The following EPS8 variants were observed in gnomAD, a reference collection of about 807,000 sequenced individuals.
The protein encoded by EPS8 is epidermal growth factor receptor kinase substrate 8.
A neutral mutation model predicts 103.8 loss-of-function variants in EPS8; 42 were observed. The ratio of observed to expected loss-of-function variants is 0.40; its 90% CI spans 0.32 to 0.52. The LOEUF is 0.52. Ranked by LOEUF, EPS8 falls within the 20% of genes least tolerant of loss-of-function variation. The probability of loss-of-function intolerance (pLI) is 0.40; values close to 1 mark genes in which losing one functional copy is unlikely to be tolerated. For synonymous variants in EPS8, 344 were observed against 344.6 expected (o/e 1.00, Z 0.02); for missense variants, 969 against 1,005.1 (o/e 0.96, Z 0.49).
At chr12:15,673,049 CTT>C (rs920563674) in intron 3 of EPS8, among the ~76,000 whole-genome samples, 11 of 152,312 alleles carry the variant, frequency 7.2e-5, no homozygotes, top group African/African-American at 2.6e-4. Context: ...TCCCTGACCT[CTT>C]GATTTCCTAA....
Position 15,702,941 on chromosome 12 carries a change from G to A in EPS8, c.-21-19969C>T, listed in dbSNP as rs902342964. 6.6e-6 allele frequency among the ~76,000 whole-genome samples: 1 copy of A among 152,138 alleles called. No homozygotes were observed. Among genetic ancestry groups the A allele is most frequent in the Non-Finnish European group, 1.5e-5 (1 of 68,030 alleles). On this transcript the variant is annotated intron_variant, in intron 1 of 20. Coordinates refer to ENST00000281172, the MANE Select transcript of EPS8 (RefSeq NM_004447.6). The surrounding 1 kb of genome is among the most constrained non-coding windows in gnomAD (Gnocchi z 5.1). ...CGAGGTGGGTGGATCACAAGGTCAG[G>A]AGATTGAGACCATCCTGGCCAACAT...
At position 15,623,179 on chromosome 12, in the gene EPS8, A is replaced by C. The variant is rs1339419675; in HGVS notation, c.2334T>G (p.Thr778=). The change falls in exon 20 of 21, where the codon ACT becomes ACG. Residue 778 remains threonine (T), a synonymous_variant. Coordinates refer to ENST00000281172, the MANE Select transcript of EPS8 (RefSeq NM_004447.6). The stretch of plus-strand genomic sequence containing the variant: ...ATACCTCCAATGCAGCTTTTTGTAC[A>C]GTGATTTGGCTATAGACTCTCGCCC... ...PEGARVYSQI[T]VQKAALEDSS... is the part of the protein sequence containing the mutation. The C allele has an allele frequency of 8.7e-6, 14 of 1,608,538 alleles. No individual in the cohort carries two copies. The highest frequency in any genetic ancestry group is 1.7e-4 in the Middle Eastern group (1 of 6,024).
chr12:15,742,408 A>C (rs971709384), intron 1 of EPS8, among the ~76,000 whole-genome samples: 1 of 152,184 alleles, frequency 6.6e-6, no homozygotes, highest in Non-Finnish European at 1.5e-5. Flanking sequence ...TTGCCATTCT[A>C]ACTGCTGTGA....
In EPS8 at chr12:15,754,667, C is replaced by T. The variant is rs186752331; in HGVS notation, c.-22+34494G>A. ...TATTTTTCCTTCTTTGAACACCCAA[C>T]TTCATGTGTTCCAAGTAAATAGTCC... On this transcript the variant is annotated intron_variant, in intron 1 of 20. Coordinates refer to ENST00000281172, the MANE Select transcript of EPS8 (RefSeq NM_004447.6). 3.3e-5 allele frequency among the ~76,000 whole-genome samples: 5 copies of T among 152,328 alleles called. No homozygotes were observed. In the East Asian group the frequency reaches 9.6e-4, roughly 29 times the overall value.
chr12:15,671,233 A>G (rs1372361358), intron 3 of EPS8, among the ~76,000 whole-genome samples: 1 of 152,138 alleles, frequency 6.6e-6, no homozygotes, highest in Admixed American at 6.6e-5. Flanking sequence ...TCAGTCAGGG[A>G]CCTACTGTTT....
intron 8 of EPS8, chr12:15,665,146 A>G (rs780840450): frequency 3.9e-5 from 6 of 152,194 alleles, no homozygotes; most frequent in African/African-American, 1.4e-4. Flanking sequence ...GTTAAGTGCA[A>G]TCTTTAAGAA....
At chr12:15,720,614 G>C (rs554334529) in intron 1 of EPS8, among the ~76,000 whole-genome samples, 1 of 152,170 alleles carries the variant, frequency 6.6e-6, no homozygotes, top group Non-Finnish European at 1.5e-5. Context: ...AAATCTGGTC[G>C]TGTTATTTAC....
chr12:15,674,846 T>C (rs1211832399), intron 3 of EPS8, among the ~76,000 whole-genome samples: 1 of 14,248 alleles, frequency 7.0e-5, no homozygotes, highest in Admixed American at 1.3e-3. Context: ...AAAAAATTTG[T>C]TCTGTTAAAA....
Position 15,690,609 on chromosome 12 carries a change from T to A in EPS8, c.-21-7637A>T, listed in dbSNP as rs542498844. On this transcript the variant is annotated intron_variant, in intron 1 of 20. Transcript: ENST00000281172. The surrounding 1 kb of genome is among the most constrained non-coding windows in gnomAD (Gnocchi z 4.7). ...CTGCTCTATTTTAGTAATACATGGT[T>A]TTACAGATCCAATGGCCAGCAGAAT... Among the ~76,000 whole-genome samples the A allele has an allele frequency of 2.8e-4, 42 of 152,304 alleles. No homozygotes were observed. The highest frequency in any genetic ancestry group is 1.8e-3 in the Admixed American group (28 of 15,298).
chr12:15,678,632 T>G (rs1945950281), intron 3 of EPS8, among the ~76,000 whole-genome samples: 1 of 152,038 alleles, frequency 6.6e-6, no homozygotes, highest in African/African-American at 2.4e-5. Context: ...AAAATAAAAA[T>G]TAACTGCTTA....
chr12:15,774,103 T>C (rs1947182565), intron 1 of EPS8, among the ~76,000 whole-genome samples: 1 of 152,004 alleles, frequency 6.6e-6, no homozygotes, highest in African/African-American at 2.4e-5. Context: ...AATACTACCT[T>C]TGAAAAAAAT....
chr12:15,661,034 C>G (rs777503288), intron 9 of EPS8, among the ~76,000 whole-genome samples: 1 of 152,128 alleles, frequency 6.6e-6, no homozygotes, highest in South Asian at 2.1e-4. Flanking sequence ...TTCTCCCACA[C>G]AGTTAGGAGG....
In EPS8 at chr12:15,781,283, G is replaced by C. The variant is rs1256071383; in HGVS notation, c.-22+7878C>G. 6.6e-6 allele frequency among the ~76,000 whole-genome samples: 1 copy of C among 152,122 alleles called. No homozygotes were observed. Among genetic ancestry groups the C allele is most frequent in the African/African-American group, 2.4e-5 (1 of 41,426 alleles). On this transcript the variant is annotated intron_variant, in intron 1 of 20. Coordinates refer to ENST00000281172, the MANE Select transcript of EPS8 (RefSeq NM_004447.6). The surrounding 1 kb of genome is among the most constrained non-coding windows in gnomAD (Gnocchi z 4.1). ...CTTGTTTGGCACAGTAGTAATTTGA[G>C]CAAGTATATAGCACAGTATTAAATA... is the stretch of plus-strand genomic sequence containing the variant.
rs1223295676 is a variant in EPS8 at position 15,776,841 on chromosome 12, T to C, written c.-22+12320A>G. 6.6e-6 allele frequency among the ~76,000 whole-genome samples: 1 copy of C among 152,214 alleles called. No individual in the cohort carries two copies. Among genetic ancestry groups the C allele is most frequent in the Non-Finnish European group, 1.5e-5 (1 of 68,034 alleles). On this transcript the variant is annotated intron_variant, in intron 1 of 20. Coordinates refer to ENST00000281172, the MANE Select transcript of EPS8 (RefSeq NM_004447.6). This position sits in a 1 kb window ranked among gnomAD's most constrained non-coding sequence, Gnocchi z 4.2. ...ACCACTTGTTTTCCCAATCATTTTA[T>C]CACTTTATCTATTAGTTTGGAATCT...
Position 15,771,889 on chromosome 12 carries a change from C to T in EPS8, c.-22+17272G>A, listed in dbSNP as rs935382681. 6.6e-6 allele frequency among the ~76,000 whole-genome samples: 1 copy of T among 151,962 alleles called. No individual in the cohort carries two copies. Among genetic ancestry groups the T allele is most frequent in the Admixed American group, 6.6e-5 (1 of 15,242 alleles). Reference sequence around the variant, plus strand: ...CCTGTAATCACAGCACTTTGGGAGGCCGAGGTGGGTGGATCACGAGGTCAG... The same window carrying T: ...CCTGTAATCACAGCACTTTGGGAGGTCGAGGTGGGTGGATCACGAGGTCAG... On this transcript the variant is annotated intron_variant, in intron 1 of 20. Transcript: ENST00000281172. This position sits in a 1 kb window ranked among gnomAD's most constrained non-coding sequence, Gnocchi z 4.6.
chr12:15,629,304 G>A (rs78407220), intron 18 of EPS8, among the ~76,000 whole-genome samples: 1 of 152,274 alleles, frequency 6.6e-6, no homozygotes, highest in East Asian at 1.9e-4. Flanking sequence ...TGCTCCAAAT[G>A]GGGACTGGAG....
intron 17 of EPS8, among the ~76,000 whole-genome samples, 152 bp downstream of exon 17, chr12:15,640,550 CA>C (rs1945210520): frequency 2.0e-5 from 3 of 152,194 alleles, no homozygotes; most frequent in Admixed American, 2.0e-4. Flanking sequence ...CTGTGTCTCT[CA>C]CCATTGCCAC....
At chr12:15,715,678 A>G (rs1176221015) in intron 1 of EPS8, among the ~76,000 whole-genome samples, 7 of 151,262 alleles carry the variant, frequency 4.6e-5, no homozygotes, top group Non-Finnish European at 8.9e-5. Context: ...TAATAGAGAC[A>G]GGGTTTCACC....
rs1317343569 is a variant in EPS8, at chr12:15,693,386, A to T, written c.-21-10414T>A. On this transcript the variant is annotated intron_variant, in intron 1 of 20. Coordinates refer to ENST00000281172, the MANE Select transcript of EPS8 (RefSeq NM_004447.6). The surrounding 1 kb of genome is among the most constrained non-coding windows in gnomAD (Gnocchi z 5.6). The stretch of plus-strand genomic sequence containing the variant: ...CTAGTTCACATTCTCCACAGAATAA[A>T]CTACTGGTTTTACTGGAGTGTGAGG... Among the ~76,000 whole-genome samples, 1 of 152,212 alleles carries T rather than the reference A, an allele frequency of 6.6e-6. No individual in the cohort carries two copies. The highest frequency in any genetic ancestry group is 1.5e-5 in the Non-Finnish European group (1 of 68,040).
Sources: gnomAD v4.1 joint callset for allele counts (sites outside exome capture counted in the v4.1 genomes callset) on GRCh38, gnomAD v4.1.1 for gene constraint, Gnocchi (gnomAD v3.1) non-coding constraint, MANE v1.5 for transcripts, NCBI Gene and HGNC (gene_info 2026-07-23, HGNC 2026-07-21) for gene names.